Variants in UBTD1 observed in about 807,000 individuals in gnomAD.
The protein encoded by UBTD1 is ubiquitin domain-containing protein 1.
A neutral mutation model predicts 21.7 loss-of-function variants in UBTD1; 19 were observed. The observed-to-expected ratio is 0.87, with a 90% CI of 0.61 to 1.28. The LOEUF (loss-of-function observed/expected upper bound fraction) is 1.28, where lower values mean the gene tolerates loss of function less well. Among genes scored for constraint, UBTD1 ranks in the 50% most tolerant of loss-of-function variants. The pLI, the probability that UBTD1 is intolerant of heterozygous loss-of-function variation, is 0.00. For missense variants in UBTD1, 282 were observed against 315.1 expected (o/e 0.89, Z 0.80); for synonymous variants, 116 against 135.1 (o/e 0.86, Z 0.98).
chr10:97,544,019 T>C (rs2040597846), intron 1 of UBTD1, among the ~76,000 whole-genome samples: 2 of 152,134 alleles, frequency 1.3e-5, no homozygotes, highest in Admixed American at 1.3e-4. Context: ...CAATGGCTCA[T>C]GTCTGTAATC....
At chr10:97,549,751 C>T (rs118120964) in intron 1 of UBTD1, among the ~76,000 whole-genome samples, 5,145 of 152,320 alleles carry the variant, frequency 0.034, 114 homozygotes, top group Non-Finnish European at 0.05. Context: ...GGCCCACAGG[C>T]CTGTAAAGAG....
intron 1 of UBTD1, among the ~76,000 whole-genome samples, chr10:97,525,246 G>T (rs2040483168): frequency 6.6e-6 from 1 of 152,112 alleles, no homozygotes; most frequent in African/African-American, 2.4e-5. Context: ...GGGTGTGTGT[G>T]GAACCCAGAC....
chr10:97,566,000 C>T (rs2040715380), intron 1 of UBTD1, among the ~76,000 whole-genome samples: 1 of 152,180 alleles, frequency 6.6e-6, no homozygotes, highest in Non-Finnish European at 1.5e-5. Flanking sequence ...AGGTGTGAGC[C>T]ACTAGGCCTG....
At chr10:97,545,297 G>C (rs925226287) in intron 1 of UBTD1, among the ~76,000 whole-genome samples, 155 of 149,430 alleles carry the variant, frequency 1.0e-3, no homozygotes, top group African/African-American at 3.8e-3. Flanking sequence ...GTTGAGATCC[G>C]CCACTGCACT....
At chr10:97,536,289 G>A (rs1266928127) in intron 1 of UBTD1, among the ~76,000 whole-genome samples, 1 of 152,108 alleles carries the variant, frequency 6.6e-6, no homozygotes, top group Non-Finnish European at 1.5e-5. Flanking sequence ...ACCACACCCG[G>A]CCAGGAGAGA....
chr10:97,558,380 C>G (rs1408610060), intron 1 of UBTD1, among the ~76,000 whole-genome samples: 1 of 152,200 alleles, frequency 6.6e-6, no homozygotes, highest in East Asian at 1.9e-4. Flanking sequence ...AAAGTCACCA[C>G]AGCCTGGGCA....
At chr10:97,526,283 T>C (rs1487952767) in intron 1 of UBTD1, among the ~76,000 whole-genome samples, 3 of 152,186 alleles carry the variant, frequency 2.0e-5, no homozygotes, top group African/African-American at 7.2e-5. Flanking sequence ...CTTAAAACTA[T>C]CCCTGCTCTT....
rs759815921 is a variant in UBTD1, at chr10:97,568,034, G to A, written c.191G>A (p.Arg64His). The A allele has an allele frequency of 3.1e-6, 5 of 1,613,884 alleles. No homozygotes were observed. The highest frequency in any genetic ancestry group is 2.7e-5 in the African/African-American group (2 of 74,946). Residue 64 changes from arginine (R) to histidine (H), a missense_variant, in exon 2 of 3, where the codon CGC (arginine) becomes CAC (histidine). Physicochemically the swap from Arg to His is conservative, Grantham distance 29. Transcript: ENST00000370664. Reference protein sequence around the residue: ...FWDTAPAFEGRKEIWDALKAA... With the variant: ...FWDTAPAFEGHKEIWDALKAA... ...GACACAGCGCCTGCCTTCGAGGGCC[G>A]CAAGGAGATCTGGGATGCCCTCAAG...
chr10:97,514,273 G>T (rs540154235), intron 1 of UBTD1, among the ~76,000 whole-genome samples: 4 of 152,024 alleles, frequency 2.6e-5, no homozygotes, highest in South Asian at 4.1e-4. Flanking sequence ...AGAGTCTCAG[G>T]TTTACCATTC....
chr10:97,499,105 T>G lies in UBTD1; in HGVS notation c.-99T>G. 1 of 1,352,274 alleles carries G rather than the reference T, an allele frequency of 7.4e-7. No homozygotes were observed. The highest frequency in any genetic ancestry group is 9.9e-7 in the Non-Finnish European group (1 of 1,014,020). 83.8% of individuals were successfully genotyped at this position (1,352,274 alleles called of 1,614,324 possible). ...CGGGGGGAGATCGGGGAGCGCCCGATGCCGGGCGGCCGGAGCCATTGACCC... is the reference window on the plus strand; with the variant it reads ...CGGGGGGAGATCGGGGAGCGCCCGAGGCCGGGCGGCCGGAGCCATTGACCC... On this transcript the variant is annotated 5_prime_UTR_variant, in exon 1 of 3. The change abolishes an upstream ATG in the 5' untranslated region. Coordinates refer to ENST00000370664, the MANE Select transcript of UBTD1 (RefSeq NM_024954.5).
intron 1 of UBTD1, among the ~76,000 whole-genome samples, chr10:97,505,141 T>G (rs2040393175): frequency 6.6e-6 from 1 of 152,210 alleles, no homozygotes; most frequent in Non-Finnish European, 1.5e-5. Context: ...TGATGTGGAT[T>G]CCAGGCATCT....
At chr10:97,568,311 G>T (rs1280123806) in intron 2 of UBTD1, among the ~76,000 whole-genome samples, 170 bp downstream of exon 2, 1 of 152,224 alleles carries the variant, frequency 6.6e-6, no homozygotes, top group African/African-American at 2.4e-5. Flanking sequence ...AAGAAAAAGA[G>T]ACACAGTCTA....
chr10:97,554,398 C>G (rs1385554276), intron 1 of UBTD1, among the ~76,000 whole-genome samples: 1 of 151,926 alleles, frequency 6.6e-6, no homozygotes, highest in African/African-American at 2.4e-5. Flanking sequence ...AGGTGCCCAC[C>G]ACCACTCCCA....
chr10:97,545,387 C>CGTGTGTGT (rs1554866775), intron 1 of UBTD1, among the ~76,000 whole-genome samples: 1,291 of 120,708 alleles, frequency 0.011, 14 homozygotes, highest in African/African-American at 0.038. Context: ...GTATGGGGCT[C>CGTGTGTGT]GTGTGTGTGT....
Position 97,545,431 on chromosome 10 carries a change from GGTGTGTGT to G in UBTD1, c.71-22472_71-22465del, listed in dbSNP as rs10609684. Among the ~76,000 whole-genome samples the G allele has an allele frequency of 3.5e-3, 526 of 148,730 alleles. 2 individuals carry two copies. The highest frequency in any genetic ancestry group is 5.2e-3 in the Non-Finnish European group (350 of 67,092). Reference sequence around the variant, plus strand: ...GTGTGGGTGTGGGTGTGTGTGTGTGGGTGTGTGTGTGTGTGTGTCTTAAGCAAGAGCCT... The same window carrying G: ...GTGTGGGTGTGGGTGTGTGTGTGTGGGTGTGTGTGTCTTAAGCAAGAGCCT... On this transcript the variant is annotated intron_variant, in intron 1 of 2. Transcript: ENST00000370664.
At chr10:97,521,213 G>T (rs1266407385) in intron 1 of UBTD1, among the ~76,000 whole-genome samples, 1 of 152,212 alleles carries the variant, frequency 6.6e-6, no homozygotes, top group East Asian at 1.9e-4. Flanking sequence ...ACAGGTAGGG[G>T]TGATGAACTC....
intron 1 of UBTD1, among the ~76,000 whole-genome samples, chr10:97,565,831 G>T (rs2040714743): frequency 6.6e-6 from 1 of 151,954 alleles, no homozygotes; most frequent in Non-Finnish European, 1.5e-5. Context: ...TCCCACCTCA[G>T]CCTCCTAAAT....
At chr10:97,514,754 C>T (rs986866228) in intron 1 of UBTD1, among the ~76,000 whole-genome samples, 1 of 152,258 alleles carries the variant, frequency 6.6e-6, no homozygotes, top group Admixed American at 6.5e-5. Context: ...AATTTTGCAC[C>T]GTTTTTCAAA....
In UBTD1 at chr10:97,545,566, C is replaced by A. The variant is rs77072266; in HGVS notation, c.71-22348C>A. ...TTAGGTGATTTATTAGGATAATCTT[C>A]TTGACTATATTTGTGTGTATCTTTA... On this transcript the variant is annotated intron_variant, in intron 1 of 2. Transcript: ENST00000370664. Among the ~76,000 whole-genome samples, 4 of 152,204 alleles carry A rather than the reference C, an allele frequency of 2.6e-5. No homozygotes were observed. The East Asian group carries it at 7.7e-4, about 29-fold the overall frequency.
Sources: allele counts gnomAD v4.1 joint callset (sites outside exome capture counted in the v4.1 genomes callset), GRCh38; gene constraint gnomAD v4.1.1; transcripts MANE v1.5; gene names NCBI Gene and HGNC (gene_info 2026-07-23, HGNC 2026-07-21).